The following CRYZ variants were observed in gnomAD, a reference collection of about 807,000 sequenced individuals.
CRYZ encodes the protein zeta-crystallin.
Under a neutral mutation model 34.1 loss-of-function variants are expected in CRYZ, and 35 were observed. The ratio of observed to expected loss-of-function variants is 1.03; its 90% CI spans 0.78 to 1.36. The LOEUF is 1.36. Among genes scored for constraint, CRYZ ranks in the 40% most tolerant of loss-of-function variants. CRYZ has a pLI of 0.00. For missense variants in CRYZ, 403 were observed against 391.8 expected (o/e 1.03, Z -0.24); for synonymous variants, 137 against 136.5 (o/e 1.00, Z -0.03).
rs547572110 is a variant in CRYZ, at chr1:74,722,981, C to A, written c.264+137G>T. On this transcript the variant is annotated intron_variant, in intron 3 of 8. Coordinates refer to ENST00000340866, the MANE Select transcript of CRYZ (RefSeq NM_001889.4). ...TCTAATTTCTTAATTCCTTTTTTGA[C>A]TAGAGGAGTCCCCCGAGTGGCAGAA... is the stretch of plus-strand genomic sequence containing the variant. The A allele has an allele frequency of 4.7e-5, 36 of 767,386 alleles. No homozygotes were observed. The South Asian group carries it at 5.9e-4, about 13-fold the overall frequency. The allele number at this position is 767,386 out of a possible 1,614,324, so 47.5% of individuals were successfully genotyped here. A position where few individuals can be genotyped will look rare whatever the true frequency, so the allele number is the denominator to read the frequency against.
intron 2 of CRYZ, 111 bp from the exon 3 acceptor site, chr1:74,723,381 C>T: frequency 2.1e-6 from 2 of 955,070 alleles, no homozygotes; most frequent in Non-Finnish European, 3.1e-6. Flanking sequence ...AAAAGCAAAA[C>T]AAATAAGTGC....
At chr1:74,716,891 T>C (rs1303371422) in intron 4 of CRYZ, among the ~76,000 whole-genome samples, 1 of 152,158 alleles carries the variant, frequency 6.6e-6, no homozygotes, top group Non-Finnish European at 1.5e-5. Flanking sequence ...TGTTCAAATC[T>C]AGCTTCCTTG....
Position 74,707,207 on chromosome 1 carries a change from A to G in CRYZ, c.631-3T>C, listed in dbSNP as rs1320648870. 2 of 1,460,522 alleles carry G rather than the reference A, an allele frequency of 1.4e-6. No homozygotes were observed. Among genetic ancestry groups the G allele is most frequent in the South Asian group, 1.2e-5 (1 of 82,110 alleles). 90.5% of individuals were successfully genotyped at this position (1,460,522 alleles called of 1,614,324 possible). A position where few individuals can be genotyped will look rare whatever the true frequency, so the allele number is the denominator to read the frequency against. Reference sequence around the variant, plus strand: ...ATTCCTTTCTCACCAACATACTTCTATATAATAAAAGAGAAATGTAGAGTA... The same window carrying G: ...ATTCCTTTCTCACCAACATACTTCTGTATAATAAAAGAGAAATGTAGAGTA... On this transcript the variant is annotated splice_region_variant and splice_polypyrimidine_tract_variant and intron_variant, in intron 6 of 8. Transcript: ENST00000340866.
rs938360374 is a variant in CRYZ at position 74,714,626 on chromosome 1, A to G, written c.433T>C (p.Cys145Arg). ...AGAACACTCTCTCCAGCTTTCACAC[A>G]GGCACTGCAAAGGAAAGCATAAGTT... ...TAYRALIHSA[C>R]VKAGESVLVH... Residue 145 changes from cysteine (C) to arginine (R), a missense_variant, in exon 5 of 9, where the codon TGT becomes CGT. Physicochemically the swap from Cys to Arg is radical, Grantham distance 180 (BLOSUM62 -3). Coordinates refer to ENST00000340866, the MANE Select transcript of CRYZ (RefSeq NM_001889.4). The G allele has an allele frequency of 6.2e-7, 1 of 1,613,626 alleles. No homozygotes were observed. The highest frequency in any genetic ancestry group is 8.5e-7 in the Non-Finnish European group (1 of 1,179,646).
At chr1:74,721,878 A>G (rs1647170077) in intron 3 of CRYZ, among the ~76,000 whole-genome samples, 1 of 152,224 alleles carries the variant, frequency 6.6e-6, no homozygotes, top group African/African-American at 2.4e-5. Flanking sequence ...GTCCAGCAGG[A>G]TAGCCACTGG....
intron 1 of CRYZ, among the ~76,000 whole-genome samples, chr1:74,730,898 G>T (rs1230874763): frequency 6.6e-6 from 1 of 152,144 alleles, no homozygotes; most frequent in Non-Finnish European, 1.5e-5. Context: ...CATCTGCTTA[G>T]AGTTTGAAAT....
intron 1 of CRYZ, among the ~76,000 whole-genome samples, chr1:74,728,038 AG>A (rs1647478952): frequency 6.6e-6 from 1 of 152,342 alleles, no homozygotes. Flanking sequence ...TTATTTACAC[AG>A]TTTAGGGAAT....
At chr1:74,732,615 GTGCA>G (rs1557738179) in intron 1 of CRYZ, among the ~76,000 whole-genome samples, 11 of 34,542 alleles carry the variant, frequency 3.2e-4, no homozygotes, top group Admixed American at 7.6e-4. Flanking sequence ...GGGGGGGGGG[GTGCA>G]GCGTGGGGCT....
intron 1 of CRYZ, among the ~76,000 whole-genome samples, chr1:74,729,768 A>C (rs1455390950): frequency 6.6e-6 from 1 of 152,210 alleles, no homozygotes; most frequent in Non-Finnish European, 1.5e-5. Context: ...TTATCAAAAC[A>C]AGCTCTTATT....
At chr1:74,728,396 G>A (rs942037636) in intron 1 of CRYZ, among the ~76,000 whole-genome samples, 1 of 152,198 alleles carries the variant, frequency 6.6e-6, no homozygotes, top group Non-Finnish European at 1.5e-5. Context: ...TTTTGTACCT[G>A]TAAAGATGTA....
At position 74,706,359 on chromosome 1, in the gene CRYZ, G is replaced by A. The variant is rs148460789; in HGVS notation, c.927C>T (p.Ala309=). ...CATGAATGATATTTTCATGAGCCTC[G>A]GCCACCTTCTCCAATGGATATTGAG... is the stretch of plus-strand genomic sequence containing the variant. ...IGSQYPLEKV[A]EAHENIIHGS... Residue 309 remains alanine, a synonymous_variant, in exon 9 of 9, where the codon GCC becomes GCT. Transcript: ENST00000340866. 11 of 1,612,586 alleles carry A rather than the reference G, an allele frequency of 6.8e-6. No homozygotes were observed. The highest frequency in any genetic ancestry group is 1.7e-4 in the Middle Eastern group (1 of 6,056).
intron 5 of CRYZ, among the ~76,000 whole-genome samples, chr1:74,714,029 C>T (rs1188445602): frequency 1.3e-5 from 2 of 152,018 alleles, no homozygotes; most frequent in East Asian, 1.9e-4. Flanking sequence ...CATTCCCCCA[C>T]ATTAGCATTT....
chr1:74,707,370 T>C (rs1646944690), intron 6 of CRYZ, 166 bp from the exon 7 acceptor site: 1 of 502,124 alleles, frequency 2.0e-6, no homozygotes, highest in Non-Finnish European at 3.5e-6. Context: ...ATAATCACGA[T>C]GTAATTCCAA....
At chr1:74,712,834 G>A (rs1245772872) in intron 5 of CRYZ, among the ~76,000 whole-genome samples, 1 of 152,116 alleles carries the variant, frequency 6.6e-6, no homozygotes, top group Non-Finnish European at 1.5e-5. Flanking sequence ...AAAAGGCACT[G>A]TTTATTCTAT....
intron 3 of CRYZ, among the ~76,000 whole-genome samples, chr1:74,720,835 C>A (rs962266391): frequency 6.6e-6 from 1 of 151,974 alleles, no homozygotes; most frequent in Non-Finnish European, 1.5e-5. Context: ...CACATCAATA[C>A]CACTGTCCCT....
intron 1 of CRYZ, among the ~76,000 whole-genome samples, chr1:74,728,469 C>A (rs75162218): frequency 0.03 from 4,575 of 152,244 alleles, 235 homozygotes; most frequent in African/African-American, 0.1. Flanking sequence ...TGAAATCAAC[C>A]AAATAGTGTT....
At chr1:74,715,933 T>C (rs1647067036) in intron 4 of CRYZ, among the ~76,000 whole-genome samples, 1 of 150,110 alleles carries the variant, frequency 6.7e-6, no homozygotes, top group South Asian at 2.1e-4. Flanking sequence ...TCGAATGAGA[T>C]TAACAATGGA....
intron 1 of CRYZ, among the ~76,000 whole-genome samples, chr1:74,731,980 T>C (rs1413569913): frequency 1.3e-5 from 2 of 152,212 alleles, no homozygotes; most frequent in Non-Finnish European, 2.9e-5. Flanking sequence ...GCAATCCTGA[T>C]GGCAAAGCTG....
At chr1:74,715,528 A>G (rs1007474955) in intron 4 of CRYZ, among the ~76,000 whole-genome samples, 1 of 152,192 alleles carries the variant, frequency 6.6e-6, no homozygotes, top group African/African-American at 2.4e-5. Context: ...TCCTGCTCCC[A>G]GCTATGCACC....
Sources: gnomAD v4.1 joint callset for allele counts (sites outside exome capture counted in the v4.1 genomes callset) on GRCh38, gnomAD v4.1.1 for gene constraint, MANE v1.5 for transcripts, NCBI Gene and HGNC (gene_info 2026-07-23, HGNC 2026-07-21) for gene names.